PHF2: variants seen among roughly 807,000 people sequenced by gnomAD.
PHF2 encodes PHD finger protein 2.
In PHF2, 27 loss-of-function variants were observed where a neutral mutation model predicts 120.5. The observed-to-expected ratio is 0.22, with a 90% confidence interval of 0.17 to 0.31. PHF2 has a LOEUF of 0.31. Among genes scored for constraint, PHF2 ranks in the 10% least tolerant of loss-of-function variants. The pLI is 1.00. For synonymous variants in PHF2, 568 were observed against 592.5 expected (o/e 0.96, Z 0.60); for missense variants, 1,024 against 1,434.8 (o/e 0.71, Z 4.63).
intron 10 of PHF2, 122 bp from the exon 11 acceptor site, chr9:93,659,389 A>G: frequency 1.4e-6 from 1 of 734,722 alleles, no homozygotes; most frequent in Non-Finnish European, 2.3e-6. Flanking sequence ...TTGGCTCGGA[A>G]GCCCCTCGCC....
At chr9:93,671,199 TG>T in intron 17 of PHF2, 2 of 974,762 alleles carry the variant, frequency 2.1e-6, no homozygotes, top group Non-Finnish European at 2.4e-6. Context: ...GCTGTGGGTG[TG>T]GGAGTAGGCA....
At chr9:93,589,461 C>A (rs1211411511) in intron 1 of PHF2, among the ~76,000 whole-genome samples, 1 of 152,136 alleles carries the variant, frequency 6.6e-6, no homozygotes, top group African/African-American at 2.4e-5. Flanking sequence ...GCCCCACGCC[C>A]ACATTTGACA....
chr9:93,649,692 A>T (rs1826329561), intron 5 of PHF2, among the ~76,000 whole-genome samples: 1 of 132,972 alleles, frequency 7.5e-6, no homozygotes, highest in Non-Finnish European at 1.8e-5. Flanking sequence ...CACTCATGAC[A>T]CTCACACTGA....
At position 93,660,371 on chromosome 9, in the gene PHF2, C is replaced by T; in HGVS notation, c.1509C>T (p.Ser503=). ...TPKTVKMPKP[S]KIPKPPKPPK... is the part of the protein sequence containing the mutation. ...AAACTGTGAAGATGCCCAAGCCATC[C>T]AAAATCCCCAAGCCCCCGAAGCCCC... The change falls in exon 12 of 22, where the codon TCC becomes TCT. Residue 503 remains serine (S), a synonymous_variant. Coordinates refer to ENST00000359246, the MANE Select transcript of PHF2 (RefSeq NM_005392.4). The T allele has an allele frequency of 6.4e-7, 1 of 1,570,644 alleles. No individual in the cohort carries two copies. The highest frequency in any genetic ancestry group is 1.2e-5 in the South Asian group (1 of 85,822).
intron 2 of PHF2, among the ~76,000 whole-genome samples, chr9:93,631,770 G>C (rs1318018790): frequency 6.7e-6 from 1 of 150,348 alleles, no homozygotes; most frequent in South Asian, 2.1e-4. Context: ...GTGCTTTCCT[G>C]GGGGGTAGGA....
intron 1 of PHF2, among the ~76,000 whole-genome samples, chr9:93,608,006 AG>A (rs1825572514): frequency 8.8e-6 from 1 of 114,236 alleles, no homozygotes; most frequent in Non-Finnish European, 2.0e-5. Flanking sequence ...AGAGAGAGAG[AG>A]AGAAGGAAAG....
In PHF2 at chr9:93,678,110, A is replaced by G. The variant is rs546215132; in HGVS notation, c.*434A>G. ...GCAGCCTCCAGGGGCTTAAAAAAAA[A>G]GGCAAAGAACACAGAAAGAGGAGGA... On this transcript the variant is annotated 3_prime_UTR_variant, in exon 22 of 22. Transcript: ENST00000359246. 194 of 160,292 alleles carry G rather than the reference A, an allele frequency of 1.2e-3. 1 individual carries two copies. Among genetic ancestry groups the G allele is most frequent in the Admixed American group, 5.3e-3 (85 of 16,076 alleles). 9.9% of individuals were successfully genotyped at this position (160,292 alleles called of 1,614,324 possible).
intron 9 of PHF2, among the ~76,000 whole-genome samples, chr9:93,657,213 T>C (rs1365410907): frequency 1.3e-5 from 2 of 152,190 alleles, no homozygotes; most frequent in African/African-American, 4.8e-5. Flanking sequence ...TATGCGTGAT[T>C]TCCTTTCTCG....
At chr9:93,595,445 G>A (rs552340521) in intron 1 of PHF2, among the ~76,000 whole-genome samples, 33 of 152,306 alleles carry the variant, frequency 2.2e-4, no homozygotes, top group African/African-American at 6.7e-4. Flanking sequence ...TAGGAATGAC[G>A]GTAAGGAATT....
chr9:93,624,829 A>G (rs935513311), intron 1 of PHF2, among the ~76,000 whole-genome samples: 1 of 149,736 alleles, frequency 6.7e-6, no homozygotes, highest in Non-Finnish European at 1.5e-5. Flanking sequence ...GATGATGGTG[A>G]TGATGATGAT....
rs1053008202 is a variant in PHF2, at chr9:93,679,311, A to G, written c.*1635A>G. 1.1e-5 allele frequency: 5 copies of G among 454,562 alleles called. No homozygotes were observed. The East Asian group carries it at 3.5e-4, about 32-fold the overall frequency. 28.2% of individuals were successfully genotyped at this position (454,562 alleles called of 1,614,324 possible). A position where few individuals can be genotyped will look rare whatever the true frequency, so the allele number is the denominator to read the frequency against. On this transcript the variant is annotated 3_prime_UTR_variant, in exon 22 of 22. Transcript: ENST00000359246. Reference sequence around the variant, plus strand: ...GAGAGGGGGAGTCTCACGGGGCCCCAGGCTTATTCAGAACTGGTGTTTTTA... The same window carrying G: ...GAGAGGGGGAGTCTCACGGGGCCCCGGGCTTATTCAGAACTGGTGTTTTTA...
chr9:93,582,933 C>T (rs1361281547), intron 1 of PHF2, among the ~76,000 whole-genome samples: 1 of 152,126 alleles, frequency 6.6e-6, no homozygotes, highest in African/African-American at 2.4e-5. Context: ...TAAAATTAAC[C>T]ATTTGAAAGT....
At chr9:93,605,843 A>G (rs748132326) in intron 1 of PHF2, among the ~76,000 whole-genome samples, 1 of 152,190 alleles carries the variant, frequency 6.6e-6, no homozygotes, top group Non-Finnish European at 1.5e-5. Flanking sequence ...AAATTTTGGC[A>G]ATTATGAATA....
In PHF2 at chr9:93,636,492, T is replaced by C; in HGVS notation, c.266T>C (p.Phe89Ser). The C allele has an allele frequency of 6.2e-7, 1 of 1,604,516 alleles. No homozygotes were observed. The highest frequency in any genetic ancestry group is 8.5e-7 in the Non-Finnish European group (1 of 1,175,968). Residue 89 changes from phenylalanine to serine, a missense_variant, in exon 3 of 22, where the codon TTC becomes TCC. Around this residue, in one of 2 missense-constraint regions of PHF2, gnomAD observed 347 missense variants for 577.4 expected, o/e 0.60. Coordinates refer to ENST00000359246, the MANE Select transcript of PHF2 (RefSeq NM_005392.4). ...CCCGTGCAGAATGGCAGCCAGCTCT[T>C]CATCAAGGAGCTGCGGAGCCGGACC... ...VKPVQNGSQL[F>S]IKELRSRTFP...
intron 10 of PHF2, among the ~76,000 whole-genome samples, 166 bp from the exon 11 acceptor site, chr9:93,659,345 G>A (rs1215995859): frequency 6.6e-6 from 1 of 152,242 alleles, no homozygotes; most frequent in Non-Finnish European, 1.5e-5. Context: ...TATTGATGGG[G>A]GCTCACAGCA....
rs946580312 is a variant in PHF2 at position 93,649,273 on chromosome 9, C to T, written c.602+61C>T. 13 of 1,435,916 alleles carry T rather than the reference C, an allele frequency of 9.1e-6. No homozygotes were observed. The African/African-American group carries it at 1.6e-4, about 17-fold the overall frequency. 88.9% of individuals were successfully genotyped at this position (1,435,916 alleles called of 1,614,324 possible). On this transcript the variant is annotated intron_variant, in intron 5 of 21. Transcript: ENST00000359246. ...GTTGGGGCAGGGGCGCTGTGCCGTC[C>T]TTGGTAGTCGCCTGAGAAGCACAGG...
chr9:93,576,696 G>GCGGCCCGGCCCC lies in PHF2; in HGVS notation c.-66_-55dup, dbSNP rs993703572. 1.4e-5 allele frequency: 6 copies of GCGGCCCGGCCCC among 425,454 alleles called. No homozygotes were observed. The highest frequency in any genetic ancestry group is 1.9e-5 in the Non-Finnish European group (6 of 323,478). 26.4% of individuals were successfully genotyped at this position (425,454 alleles called of 1,614,324 possible). On this transcript the variant is annotated 5_prime_UTR_variant, in exon 1 of 22. Transcript: ENST00000359246. Reference sequence around the variant, plus strand: ...GCCCCGCCGCCCCCGCCGCCCCCGCGCGGCCCGGCCCCCGGCCCGGCCCGG... The same window carrying GCGGCCCGGCCCC: ...GCCCCGCCGCCCCCGCCGCCCCCGCGCGGCCCGGCCCCCGGCCCGGCCCCCGGCCCGGCCCGG...
At position 93,675,741 on chromosome 9, in the gene PHF2, T is replaced by C. The variant is rs1262183832; in HGVS notation, c.2784T>C (p.Ala928=). ...DRPVREGTRV[A]SIETGLAAAA... is the part of the protein sequence containing the mutation. ...CTGTGCGTGAGGGTACACGGGTGGC[T>C]TCCATCGAGACCGGGCTGGCGGCTG... The change falls in exon 20 of 22, where the codon GCT becomes GCC. Residue 928 remains alanine (A), a synonymous_variant. Coordinates refer to ENST00000359246, the MANE Select transcript of PHF2 (RefSeq NM_005392.4). 2 of 1,612,868 alleles carry C rather than the reference T, an allele frequency of 1.2e-6. No individual in the cohort carries two copies. Among genetic ancestry groups the C allele is most frequent in the South Asian group, 2.2e-5 (2 of 91,060 alleles).
intron 1 of PHF2, among the ~76,000 whole-genome samples, chr9:93,582,405 G>A (rs1330147884): frequency 6.6e-6 from 1 of 152,228 alleles, no homozygotes; most frequent in Admixed American, 6.5e-5. Context: ...CCCTGTCCAA[G>A]CAGCTGACTG....
Sources: gnomAD v4.1 joint callset for allele counts (sites outside exome capture counted in the v4.1 genomes callset) on GRCh38, gnomAD v4.1.1 for gene constraint, gnomAD v4.1.1 regional missense constraint, MANE v1.5 for transcripts, NCBI Gene and HGNC (gene_info 2026-07-23, HGNC 2026-07-21) for gene names.